STK32B: variants seen among roughly 807,000 people sequenced by gnomAD.
STK32B encodes the protein serine/threonine-protein kinase 32B.
In STK32B, 43 loss-of-function variants were observed where a neutral mutation model predicts 52.6. The ratio of observed to expected loss-of-function variants is 0.82; its 90% CI spans 0.64 to 1.05. The LOEUF (loss-of-function observed/expected upper bound fraction) is 1.05, where lower values mean the gene tolerates loss of function less well. Ranked by LOEUF, STK32B falls within the 50% of genes least tolerant of loss-of-function variation. The pLI, the probability that STK32B is intolerant of heterozygous loss-of-function variation, is 0.00. For missense variants in STK32B, 621 were observed against 534.6 expected (o/e 1.16, Z -1.59); for synonymous variants, 238 against 204.3 (o/e 1.17, Z -1.41).
intron 4 of STK32B, among the ~76,000 whole-genome samples, chr4:5,389,737 A>C (rs1187584112): frequency 1.3e-5 from 2 of 150,094 alleles, no homozygotes; most frequent in East Asian, 3.9e-4. Context: ...GCCCCCCCCA[A>C]AGATGCCACA....
chr4:5,337,204 G>A (rs1732768766), intron 4 of STK32B, among the ~76,000 whole-genome samples: 2 of 151,544 alleles, frequency 1.3e-5, no homozygotes, highest in Non-Finnish European at 2.9e-5. Flanking sequence ...ACCCGGGGTG[G>A]TCTCATACTC....
rs944614077 is a variant in STK32B, at chr4:5,396,234, G to C, written c.435-1973G>C. On this transcript the variant is annotated intron_variant, in intron 4 of 11. Transcript: ENST00000282908. The surrounding 1 kb of genome is among the most constrained non-coding windows in gnomAD (Gnocchi z 4.7). ...TCAGGAGAGAATCCGCCCCTGGCCT[G>C]TTCCAGCTCCAGGTGGCTCCAGGCG... Among the ~76,000 whole-genome samples the C allele has an allele frequency of 1.3e-5, 2 of 152,208 alleles. No homozygotes were observed. The highest frequency in any genetic ancestry group is 2.9e-5 in the Non-Finnish European group (2 of 68,038).
intron 1 of STK32B, among the ~76,000 whole-genome samples, chr4:5,088,547 C>A (rs188254593): frequency 6.6e-6 from 1 of 151,840 alleles, no homozygotes; most frequent in East Asian, 1.9e-4. Flanking sequence ...AGTATTTGAT[C>A]GTACAATAGG....
intron 3 of STK32B, among the ~76,000 whole-genome samples, chr4:5,229,597 T>A (rs1724114238): frequency 6.6e-6 from 1 of 152,198 alleles, no homozygotes; most frequent in African/African-American, 2.4e-5. Context: ...AGCACGTATT[T>A]TAGATTTTCT....
chr4:5,489,203 G>A (rs751035815), intron 11 of STK32B, among the ~76,000 whole-genome samples: 15 of 152,008 alleles, frequency 9.9e-5, no homozygotes, highest in Admixed American at 3.9e-4. Context: ...TCCAATTTAC[G>A]TTTATCTGCT....
intron 3 of STK32B, among the ~76,000 whole-genome samples, chr4:5,169,783 T>G: frequency 6.6e-6 from 1 of 152,120 alleles, no homozygotes; most frequent in East Asian, 1.9e-4. Context: ...CAGCAATATG[T>G]GTTCTTGGCA....
Position 5,477,127 on chromosome 4 carries a change from C to A in STK32B, c.1106+9057C>A, listed in dbSNP as rs551087971. On this transcript the variant is annotated intron_variant, in intron 11 of 11. Transcript: ENST00000282908. ...ATACCTTCCAGGAACTTAAAAGGCT[C>A]CCCGATGGGTAGTGCTGTCTCACCG... Among the ~76,000 whole-genome samples the A allele has an allele frequency of 7.2e-4, 109 of 152,308 alleles. No homozygotes were observed. The Middle Eastern group carries it at 0.017, about 24-fold the overall frequency.
chr4:5,425,492 T>A (rs1345719354), intron 6 of STK32B, among the ~76,000 whole-genome samples: 1 of 152,206 alleles, frequency 6.6e-6, no homozygotes, highest in Non-Finnish European at 1.5e-5. Flanking sequence ...AGCAGAGATT[T>A]GCTGAGCACC....
At chr4:5,422,694 G>C (rs978884178) in intron 6 of STK32B, among the ~76,000 whole-genome samples, 6 of 152,282 alleles carry the variant, frequency 3.9e-5, no homozygotes, top group South Asian at 4.1e-4. Context: ...GGGCTGCAGA[G>C]CGGGGTACTG....
intron 9 of STK32B, 112 bp from the exon 10 acceptor site, chr4:5,466,591 G>T (rs1192991756): frequency 1.5e-6 from 2 of 1,378,292 alleles, no homozygotes; most frequent in African/African-American, 2.9e-5. Flanking sequence ...TATCCAACAA[G>T]AGTAAGTTCA....
At chr4:5,083,421 C>T (rs944063241) in intron 1 of STK32B, among the ~76,000 whole-genome samples, 3 of 152,078 alleles carry the variant, frequency 2.0e-5, no homozygotes, top group African/African-American at 4.8e-5. Flanking sequence ...TCTGAAAGAC[C>T]TTGGGCAAGT....
intron 6 of STK32B, among the ~76,000 whole-genome samples, chr4:5,445,202 T>A (rs992061435): frequency 5.3e-5 from 8 of 152,126 alleles, no homozygotes; most frequent in Admixed American, 1.3e-4. Context: ...AAATGGAGAA[T>A]ATCGCCAGGG....
chr4:5,044,334 C>T, the STK32B span, among the ~76,000 whole-genome samples: 1 of 152,220 alleles, frequency 6.6e-6, no homozygotes, highest in South Asian at 2.1e-4. Flanking sequence ...TTGTCAACTT[C>T]TCTCCTAAAC....
At chr4:5,332,662 A>T (rs989188837) in intron 4 of STK32B, among the ~76,000 whole-genome samples, 1 of 151,986 alleles carries the variant, frequency 6.6e-6, no homozygotes, top group African/African-American at 2.4e-5. Flanking sequence ...CCACCCCACA[A>T]CAGTCCCCAG....
chr4:5,066,783 G>C (rs1259832296), intron 1 of STK32B, among the ~76,000 whole-genome samples: 1 of 152,062 alleles, frequency 6.6e-6, no homozygotes, highest in Non-Finnish European at 1.5e-5. Flanking sequence ...GGACCTTACT[G>C]TATGTTGTTC....
At chr4:5,353,761 A>C (rs147066954) in intron 4 of STK32B, among the ~76,000 whole-genome samples, 2 of 152,164 alleles carry the variant, frequency 1.3e-5, no homozygotes, top group Admixed American at 6.5e-5. Context: ...TGAGGATGTA[A>C]AGAAAAGAGA....
intron 6 of STK32B, among the ~76,000 whole-genome samples, chr4:5,439,994 T>A (rs1714554991): frequency 2.0e-5 from 3 of 152,206 alleles, no homozygotes; most frequent in Admixed American, 6.5e-5. Flanking sequence ...CCATGCTGTT[T>A]TGGTTACTGT....
At position 5,317,519 on chromosome 4, in the gene STK32B, T is replaced by A. The variant is rs550070748; in HGVS notation, c.261-13701T>A. On this transcript the variant is annotated intron_variant, in intron 3 of 11. Coordinates refer to ENST00000282908, the MANE Select transcript of STK32B (RefSeq NM_018401.3). ...TATATATTATATATGTATAATATAT[T>A]TATTATATATATATTACATGTATAT... is the stretch of plus-strand genomic sequence containing the variant. 3.5e-3 allele frequency among the ~76,000 whole-genome samples: 337 copies of A among 97,180 alleles called. 47 individuals carry two copies. The highest frequency in any genetic ancestry group is 0.024 in the African/African-American group (294 of 12,440). The allele number at this position is 97,180 out of a possible 152,430, so 63.8% of individuals were successfully genotyped here.
rs1414534411 is a variant in STK32B at position 5,443,150 on chromosome 4, CTGCCT to C, written c.563-3519_563-3515del. ...GTATTTCCTGAATCTGAACGTTGGCCTGCCTTGCTAGATTGGGGAAGTTCTCCTGG... is the reference window on the plus strand; with the variant it reads ...GTATTTCCTGAATCTGAACGTTGGCCTGCTAGATTGGGGAAGTTCTCCTGG... On this transcript the variant is annotated intron_variant, in intron 6 of 11. Transcript: ENST00000282908. Among the ~76,000 whole-genome samples the C allele has an allele frequency of 3.3e-5, 5 of 150,432 alleles. No homozygotes were observed. The East Asian group carries it at 9.8e-4, about 30-fold the overall frequency.
Sources: allele counts gnomAD v4.1 joint callset (sites outside exome capture counted in the v4.1 genomes callset), GRCh38; gene constraint gnomAD v4.1.1; non-coding constraint Gnocchi (gnomAD v3.1); transcripts MANE v1.5; gene names NCBI Gene and HGNC (gene_info 2026-07-23, HGNC 2026-07-21).